Variants in XG observed in about 807,000 individuals in gnomAD.
XG encodes glycoprotein Xg.
A neutral mutation model predicts 25.7 loss-of-function variants in XG; 24 were observed. The observed-to-expected ratio is 0.93, with a 90% confidence interval of 0.68 to 1.31. The LOEUF (loss-of-function observed/expected upper bound fraction) is 1.31. Among genes scored for constraint, XG ranks in the 40% most tolerant of loss-of-function variants. The pLI is 0.00. For synonymous variants in XG, 77 were observed against 69.2 expected, an observed-to-expected ratio of 1.11 and a Z score of -0.56; for missense variants, 181 against 187.6, an observed-to-expected ratio of 0.96 and a Z score of 0.21.
intron 1 of XG, among the ~76,000 whole-genome samples, chrX:2,765,853 T>G (rs1055327672): frequency 7.9e-5 from 12 of 152,258 alleles, no homozygotes; most frequent in African/African-American, 2.9e-4. Context: ...GTTTGTTATA[T>G]TGACTTTCTG....
chrX:2,786,284 G>T (rs1273179374), intron 4 of XG, among the ~76,000 whole-genome samples: 1 of 20,126 alleles, frequency 5.0e-5, no homozygotes. Flanking sequence ...TTTTCAGACA[G>T]AGTCTCACTG....
In XG at chrX:2,800,824, C is replaced by T. The variant is rs1471728210; in HGVS notation, c.373+3464C>T. Among the ~76,000 whole-genome samples, 3 of 110,355 alleles carry T rather than the reference C, an allele frequency of 2.7e-5. No individual in the cohort carries two copies. The Admixed American group carries it at 2.9e-4, about 11-fold the overall frequency. The stretch of plus-strand genomic sequence containing the variant: ...GCAAAATAGTGAAACCCTGTCTCTA[C>T]AAGAAAATACAAAAATTAGCTGGGC... On this transcript the variant is annotated intron_variant, in intron 7 of 10. Coordinates refer to ENST00000644266, the MANE Select transcript of XG (RefSeq NM_001141919.2).
chrX:2,794,042 A>G (rs2086860683), intron 5 of XG, among the ~76,000 whole-genome samples: 1 of 110,463 alleles, frequency 9.1e-6, no homozygotes. Flanking sequence ...GCAGAAGGAG[A>G]GCTGGACGAG....
At chrX:2,778,953 G>T (rs1488536247) in intron 3 of XG, among the ~76,000 whole-genome samples, 3 of 151,710 alleles carry the variant, frequency 2.0e-5, no homozygotes, top group Admixed American at 1.3e-4. Context: ...TAGTAGAGAC[G>T]GGGTTTCACC....
At chrX:2,763,089 G>A (rs746207630) in intron 1 of XG, among the ~76,000 whole-genome samples, 2 of 152,146 alleles carry the variant, frequency 1.3e-5, no homozygotes, top group Non-Finnish European at 2.9e-5. Context: ...TCTTGGCTCA[G>A]TGCAACCTCC....
At chrX:2,770,775 AG>A (rs1299459966) in intron 2 of XG, among the ~76,000 whole-genome samples, 184 bp downstream of exon 2, 1 of 152,164 alleles carries the variant, frequency 6.6e-6, no homozygotes, top group Non-Finnish European at 1.5e-5. Context: ...TAAAAGTCTC[AG>A]ACTCATTTCT....
chrX:2,805,466 A>G (rs894055821), intron 7 of XG, among the ~76,000 whole-genome samples: 2 of 110,136 alleles, frequency 1.8e-5, no homozygotes, highest in African/African-American at 6.6e-5. Flanking sequence ...CTGTGTCCTC[A>G]CAGGGTCGTC....
chrX:2,779,330 TAAAAA>T (rs34578775), intron 3 of XG, among the ~76,000 whole-genome samples: 2 of 105,878 alleles, frequency 1.9e-5, no homozygotes, highest in African/African-American at 6.5e-5. Context: ...AGTGAGAGTA[TAAAAA>T]AAAAAAAAAA....
chrX:2,781,670 A>T (rs773875338), intron 3 of XG, among the ~76,000 whole-genome samples: 1 of 111,925 alleles, frequency 8.9e-6, no homozygotes, highest in African/African-American at 3.3e-5. Flanking sequence ...TGTGAGAAAT[A>T]GCAACCCAGT....
intron 1 of XG, among the ~76,000 whole-genome samples, chrX:2,752,705 T>C (rs2050360371): frequency 6.6e-6 from 1 of 152,232 alleles, no homozygotes; most frequent in East Asian, 1.9e-4. Context: ...TAAAAATTAG[T>C]TCTGACCATT....
chrX:2,774,928 C>T (rs2050942956), intron 3 of XG, 189 bp downstream of exon 3: 9 of 693,188 alleles, frequency 1.3e-5, no homozygotes, highest in Middle Eastern at 2.5e-4. Flanking sequence ...CAGTGAAGCA[C>T]CACTTCGTCC....
At chrX:2,811,640 G>A (rs1390540882) in intron 10 of XG, among the ~76,000 whole-genome samples, 188 bp downstream of exon 10, 3 of 111,872 alleles carry the variant, frequency 2.7e-5, no homozygotes, top group African/African-American at 9.7e-5. Flanking sequence ...GTGTTGCCCA[G>A]GCTGGACTGC....
chrX:2,798,887 TC>T (rs56121446), intron 7 of XG, among the ~76,000 whole-genome samples: 2 of 98,084 alleles, frequency 2.0e-5, no homozygotes, highest in African/African-American at 1.0e-4. Context: ...TCTTTTTCTT[TC>T]TTTTTTTTTT....
At chrX:2,805,480 C>G (rs749633788) in intron 7 of XG, among the ~76,000 whole-genome samples, 191 of 110,199 alleles carry the variant, frequency 1.7e-3, no homozygotes, top group Non-Finnish European at 2.3e-3. Flanking sequence ...GGTCGTCCCT[C>G]TGTGTGTGTC....
chrX:2,759,291 C>T (rs188317683), intron 1 of XG, among the ~76,000 whole-genome samples: 10 of 152,330 alleles, frequency 6.6e-5, no homozygotes, highest in African/African-American at 2.4e-4. Flanking sequence ...GTCATTAGTG[C>T]TGTAGTGGAG....
Position 2,770,446 on chromosome X carries a change from C to T in XG, c.62-104C>T, listed in dbSNP as rs189486484. ...GTCAGGTTAGTTTTAGTGCTCTGGG[C>T]GACCCTAGGCTTGCAGGAGGAGGGG... is the stretch of plus-strand genomic sequence containing the variant. On this transcript the variant is annotated intron_variant, in intron 1 of 10. Coordinates refer to ENST00000644266, the MANE Select transcript of XG (RefSeq NM_001141919.2). 1.3e-4 allele frequency: 175 copies of T among 1,371,116 alleles called. No homozygotes were observed. In the African/African-American group the frequency reaches 1.8e-3, roughly 14 times the overall value. 84.9% of individuals were successfully genotyped at this position (1,371,116 alleles called of 1,614,324 possible).
intron 10 of XG, among the ~76,000 whole-genome samples, chrX:2,812,238 A>G (rs1317160837): frequency 9.0e-6 from 1 of 111,383 alleles, no homozygotes; most frequent in African/African-American, 3.3e-5. Flanking sequence ...CGCTCAGACC[A>G]TAGGGGAGAG....
intron 6 of XG, among the ~76,000 whole-genome samples, chrX:2,796,121 A>G (rs311181): frequency 0.088 from 9,370 of 106,773 alleles, 925 homozygotes; most frequent in African/African-American, 0.28. Flanking sequence ...GTACATATAT[A>G]CCTATATATG....
intron 1 of XG, among the ~76,000 whole-genome samples, chrX:2,768,331 G>A (rs1398687364): frequency 6.6e-6 from 1 of 152,174 alleles, no homozygotes; most frequent in Non-Finnish European, 1.5e-5. Context: ...GCATAGCCGG[G>A]ACGCTTAACT....
Sources: gnomAD v4.1 joint callset for allele counts (sites outside exome capture counted in the v4.1 genomes callset) on GRCh38, gnomAD v4.1.1 for gene constraint, MANE v1.5 for transcripts, NCBI Gene and HGNC (gene_info 2026-07-23, HGNC 2026-07-21) for gene names.